OTOF: variants seen among roughly 807,000 people sequenced by gnomAD.
OTOF encodes fer-1-like family member 2.
A neutral mutation model predicts 236.8 loss-of-function variants in OTOF; 218 were observed. That is an observed-to-expected ratio of 0.92 (90% CI 0.82 to 1.03). OTOF has a LOEUF of 1.03. OTOF is among the 50% of genes least tolerant of loss of function. OTOF has a pLI of 0.00. For missense variants in OTOF, 2,590 were observed against 2,694.4 expected (o/e 0.96, Z 0.86); for synonymous variants, 1,041 against 1,072.5 (o/e 0.97, Z 0.57).
rs769272439 is a variant in OTOF, at chr2:26,503,802, G to A, written c.553C>T (p.Arg185Trp). The A allele has an allele frequency of 6.2e-7, 1 of 1,614,100 alleles. No individual in the cohort carries two copies. Among genetic ancestry groups the A allele is most frequent in the Non-Finnish European group, 8.5e-7 (1 of 1,179,956 alleles). Residue 185 changes from arginine (R) to tryptophan (W), a missense_variant, in exon 6 of 47, where the codon CGG becomes TGG. This residue lies in a region of OTOF where 1,379 missense variants were observed against 1,341.6 expected (regional missense o/e 1.03). Transcript: ENST00000272371. ...CTTTGGGGCTCCTCCTTGTGAGACC[G>A]GTTTTTGCCGAGCTTCATGGCGGAG... is the stretch of plus-strand genomic sequence containing the variant. ...VFSAMKLGKN[R>W]SHKEEPQRPD...
At position 26,466,009 on chromosome 2, in the gene OTOF, T is replaced by C; in HGVS notation, c.4568A>G (p.Lys1523Arg). 6.2e-7 allele frequency: 1 copy of C among 1,614,260 alleles called. No homozygotes were observed. Among genetic ancestry groups the C allele is most frequent in the South Asian group, 1.1e-5 (1 of 91,086 alleles). ...GTTCTCCTTGTCGCGGATGTCAGTC[T>C]TGCCTAGCCGGATGGCGATGTAGGG... The part of the protein sequence containing the change: ...ADPYIAIRLG[K>R]TDIRDKENYI... Residue 1523 changes from lysine (K) to arginine (R), a missense_variant, in exon 37 of 47, where the codon AAG becomes AGG. By Grantham distance (26) the Lys-to-Arg change is conservative. Coordinates refer to ENST00000272371, the MANE Select transcript of OTOF (RefSeq NM_194248.3).
At chr2:26,465,489 C>T (rs1488681701) in intron 38 of OTOF, among the ~76,000 whole-genome samples, 183 bp downstream of exon 38, 5 of 152,246 alleles carry the variant, frequency 3.3e-5, no homozygotes, top group Non-Finnish European at 5.9e-5. Flanking sequence ...TGTCCCTCTC[C>T]TTGTTTTGGG....
At chr2:26,489,377 G>T in intron 10 of OTOF, 82 bp from the exon 11 acceptor site, 1 of 1,086,836 alleles carries the variant, frequency 9.2e-7, no homozygotes, top group Non-Finnish European at 1.4e-6. Flanking sequence ...CCCGAGCTTT[G>T]TGGTGAAGTG....
chr2:26,497,215 G>C lies in OTOF; in HGVS notation c.766-2142C>G, dbSNP rs1031769732. 2.1e-5 allele frequency among the ~76,000 whole-genome samples: 3 copies of C among 146,188 alleles called. No homozygotes were observed. The South Asian group carries it at 6.8e-4, about 33-fold the overall frequency. ...CCTCCCGGGTTCAAGCTATTCTCCA[G>C]ACTCAGCCTCCCGAGTAGCTGGGAT... is the stretch of plus-strand genomic sequence containing the variant. On this transcript the variant is annotated intron_variant, in intron 8 of 46. Transcript: ENST00000272371.
rs774375916 is a variant in OTOF, at chr2:26,467,446, C to A, written c.4146G>T (p.Lys1382Asn). 2 of 1,614,120 alleles carry A rather than the reference C, an allele frequency of 1.2e-6. No individual in the cohort carries two copies. Among genetic ancestry groups the A allele is most frequent in the Non-Finnish European group, 1.7e-6 (2 of 1,180,020 alleles). ...AGCCAGAGCTCTGAGTTTTCTTCTT[C>A]TTCTCCTCTTTGGCAGCCCTTGCCT... ...KEKARAAKEE[K>N]KKKTQSSGSG... Residue 1382 changes from lysine to asparagine, a missense_variant, in exon 34 of 47, where the codon AAG becomes AAT. Lys to Asn is a moderately conservative substitution (Grantham distance 94). This residue lies in a region of OTOF where 1,211 missense variants were observed against 1,352.8 expected (regional missense o/e 0.90). Transcript: ENST00000272371.
intron 9 of OTOF, among the ~76,000 whole-genome samples, chr2:26,492,131 T>A (rs1264987047): frequency 6.6e-6 from 1 of 152,104 alleles, no homozygotes; most frequent in Non-Finnish European, 1.5e-5. Context: ...AAAGGCTGAT[T>A]TGGGGCTGGA....
Position 26,473,093 on chromosome 2 carries a change from G to A in OTOF, c.3733+39C>T, listed in dbSNP as rs113651936. 1,528 of 1,596,564 alleles carry A rather than the reference G, an allele frequency of 9.6e-4. 15 individuals are homozygous for A. The African/African-American group carries it at 0.018, about 19-fold the overall frequency. On this transcript the variant is annotated intron_variant, in intron 29 of 46. Coordinates refer to ENST00000272371, the MANE Select transcript of OTOF (RefSeq NM_194248.3). The surrounding 1 kb of genome is among the most constrained non-coding windows in gnomAD (Gnocchi z 7.2). ...GACCTGGAGCCCTTCCCTGGGGGGC[G>A]TGGAGCCAGGCTTGGTGGCAGGGTG...
chr2:26,534,926 C>A (rs1357319188), intron 2 of OTOF, among the ~76,000 whole-genome samples: 2 of 152,214 alleles, frequency 1.3e-5, no homozygotes, highest in African/African-American at 2.4e-5. Context: ...CACTGGCAGG[C>A]AGATTCTTTC....
intron 1 of OTOF, among the ~76,000 whole-genome samples, chr2:26,540,425 A>G (rs1190674381): frequency 6.6e-6 from 1 of 152,098 alleles, no homozygotes; most frequent in Non-Finnish European, 1.5e-5. Context: ...CAGGCCAAGG[A>G]GGTACTGGAG....
At chr2:26,525,561 A>G (rs912159823) in intron 3 of OTOF, among the ~76,000 whole-genome samples, 8 of 152,190 alleles carry the variant, frequency 5.3e-5, no homozygotes, top group African/African-American at 1.7e-4. Context: ...CTGTGCCTCA[A>G]TACCTCATCT....
chr2:26,538,816 A>ATT (rs35315095), intron 1 of OTOF, among the ~76,000 whole-genome samples: 37,140 of 138,636 alleles, frequency 0.27, 6,713 homozygotes, highest in East Asian at 0.72. Context: ...GGGAAACACC[A>ATT]TTTTTTTTTT....
chr2:26,501,856 T>A (rs368182554), intron 7 of OTOF, 48 bp from the exon 8 acceptor site: 1 of 1,437,080 alleles, frequency 7.0e-7, no homozygotes, highest in Non-Finnish European at 9.8e-7. Flanking sequence ...GGACTGCTTG[T>A]TGGGGAGGAG....
rs958636554 is a variant in OTOF at position 26,462,585 on chromosome 2, G to A, written c.5193-404C>T. Among the ~76,000 whole-genome samples, 7 of 152,220 alleles carry A rather than the reference G, an allele frequency of 4.6e-5. No homozygotes were observed. In the East Asian group the frequency reaches 5.8e-4, roughly 13 times the overall value. The stretch of plus-strand genomic sequence containing the variant: ...TTTCAATCATTAAGAGTGAGGCTGA[G>A]TCATTCACTAAAAATTGATCTGAGC... On this transcript the variant is annotated intron_variant, in intron 41 of 46. Transcript: ENST00000272371. This position sits in a 1 kb window ranked among gnomAD's most constrained non-coding sequence, Gnocchi z 4.7.
intron 1 of OTOF, among the ~76,000 whole-genome samples, chr2:26,539,451 C>T (rs937889991): frequency 6.6e-6 from 1 of 152,138 alleles, no homozygotes; most frequent in Non-Finnish European, 1.5e-5. Flanking sequence ...AAAGTGGTTA[C>T]CCCCCTGGGC....
At chr2:26,499,940 C>T (rs1666077780) in intron 8 of OTOF, among the ~76,000 whole-genome samples, 1 of 152,182 alleles carries the variant, frequency 6.6e-6, no homozygotes. Flanking sequence ...AATACAACAA[C>T]CGTTTTGTTC....
chr2:26,526,679 T>G (rs1427937590), intron 3 of OTOF, among the ~76,000 whole-genome samples: 1 of 152,238 alleles, frequency 6.6e-6, no homozygotes, highest in Non-Finnish European at 1.5e-5. Context: ...TCCTTGTCTC[T>G]CCTGCTCAGA....
chr2:26,507,767 TC>T (rs1259611601), intron 5 of OTOF, among the ~76,000 whole-genome samples: 11 of 152,208 alleles, frequency 7.2e-5, no homozygotes, highest in Admixed American at 7.2e-4. Context: ...GGATTTAGAA[TC>T]CGTTTGAGTT....
rs371148976 is a variant in OTOF at position 26,470,259 on chromosome 2, A to G, written c.4023+334T>C. Reference sequence around the variant, plus strand: ...TCTCTAAGTCTCTGTTTACATGTCCATTTTGCCCAGTAAACCGGAGGCCCA... The same window carrying G: ...TCTCTAAGTCTCTGTTTACATGTCCGTTTTGCCCAGTAAACCGGAGGCCCA... On this transcript the variant is annotated intron_variant, in intron 32 of 46. Transcript: ENST00000272371. This position sits in a 1 kb window ranked among gnomAD's most constrained non-coding sequence, Gnocchi z 4.3. Among the ~76,000 whole-genome samples, 14 of 152,064 alleles carry G rather than the reference A, an allele frequency of 9.2e-5. No homozygotes were observed. The East Asian group carries it at 2.7e-3, about 29-fold the overall frequency.
chr2:26,526,071 A>C (rs1295940458), intron 3 of OTOF, among the ~76,000 whole-genome samples: 1 of 142,088 alleles, frequency 7.0e-6, no homozygotes, highest in Non-Finnish European at 1.5e-5. Flanking sequence ...TGGGCCACAG[A>C]GCAAGACTCT....
Sources: allele counts gnomAD v4.1 joint callset (sites outside exome capture counted in the v4.1 genomes callset), GRCh38; gene constraint gnomAD v4.1.1; regional missense constraint gnomAD v4.1.1; non-coding constraint Gnocchi (gnomAD v3.1); transcripts MANE v1.5; gene names NCBI Gene and HGNC (gene_info 2026-07-23, HGNC 2026-07-21).